The following DACH1 variants were observed in gnomAD, a reference collection of about 807,000 sequenced individuals.
The protein encoded by DACH1 is dachshund homolog 1.
Under a neutral mutation model 54.2 loss-of-function variants are expected in DACH1, and 12 were observed. That is an observed-to-expected ratio of 0.22 (90% CI 0.14 to 0.36). The LOEUF (loss-of-function observed/expected upper bound fraction) is 0.36. Ranked by LOEUF, DACH1 falls within the 10% of genes least tolerant of loss-of-function variation. The pLI is 1.00. For synonymous variants in DACH1, 386 were observed against 366.2 expected (o/e 1.05, Z -0.62); for missense variants, 805 against 929.8 (o/e 0.87, Z 1.75).
intron 3 of DACH1, among the ~76,000 whole-genome samples, chr13:71,626,320 T>G (rs1876642320): frequency 6.6e-6 from 1 of 152,012 alleles, no homozygotes; most frequent in Non-Finnish European, 1.5e-5. Flanking sequence ...TTATTTAGAT[T>G]AAACTGATTG....
At chr13:71,584,600 T>G (rs1873094750) in intron 3 of DACH1, among the ~76,000 whole-genome samples, 2 of 152,264 alleles carry the variant, frequency 1.3e-5, no homozygotes, top group Admixed American at 1.3e-4. Context: ...TTGAACTGTG[T>G]CAAATCTCTA....
chr13:71,714,882 T>G (rs1270939387), intron 1 of DACH1, among the ~76,000 whole-genome samples: 3 of 152,070 alleles, frequency 2.0e-5, no homozygotes, highest in African/African-American at 7.2e-5. Context: ...GGTCTACCCT[T>G]TCAACTCTTG....
intron 1 of DACH1, among the ~76,000 whole-genome samples, chr13:71,686,542 T>C (rs543064184): frequency 1.3e-5 from 2 of 152,194 alleles, no homozygotes; most frequent in Non-Finnish European, 1.5e-5. Context: ...AAATTGAACT[T>C]AACAAAAGTG....
intron 2 of DACH1, among the ~76,000 whole-genome samples, chr13:71,668,485 A>T (rs944997146): frequency 2.0e-5 from 3 of 152,170 alleles, no homozygotes; most frequent in Non-Finnish European, 2.9e-5. Context: ...GTCATGTAGG[A>T]TGTATTCCAG....
chr13:71,822,874 C>T lies in DACH1; in HGVS notation c.848+43048G>A, dbSNP rs963138912. On this transcript the variant is annotated intron_variant, in intron 1 of 10. Coordinates refer to ENST00000613252, the MANE Select transcript of DACH1 (RefSeq NM_080759.6). ...TATTATTAATAATTTAACAGTTCTC[C>T]ACAATGAAAAAAATCATAATCTGAA... is the stretch of plus-strand genomic sequence containing the variant. Among the ~76,000 whole-genome samples the T allele has an allele frequency of 2.6e-4, 39 of 151,690 alleles. 1 individual carries two copies. The highest frequency in any genetic ancestry group is 2.9e-5 in the Non-Finnish European group (2 of 67,928).
chr13:71,633,806 T>C (rs1877277860), intron 2 of DACH1, among the ~76,000 whole-genome samples: 1 of 152,096 alleles, frequency 6.6e-6, no homozygotes, highest in Admixed American at 6.6e-5. Context: ...CCAATTCAAC[T>C]AATTTTCTCC....
At chr13:71,806,481 A>C (rs1376270383) in intron 1 of DACH1, among the ~76,000 whole-genome samples, 4 of 152,176 alleles carry the variant, frequency 2.6e-5, no homozygotes, top group African/African-American at 9.6e-5. Flanking sequence ...ACTAGAAAAA[A>C]TTGTATTCTA....
At chr13:71,817,094 C>T (rs1418915047) in intron 1 of DACH1, among the ~76,000 whole-genome samples, 2 of 151,576 alleles carry the variant, frequency 1.3e-5, no homozygotes, top group East Asian at 1.9e-4. Flanking sequence ...TGGAAGCATA[C>T]GTCTACAAAA....
chr13:71,642,612 C>T (rs1877990509), intron 2 of DACH1, among the ~76,000 whole-genome samples: 1 of 152,130 alleles, frequency 6.6e-6, no homozygotes, highest in African/African-American at 2.4e-5. Context: ...TGAGTTATGA[C>T]AGTTCAAATT....
At chr13:71,641,858 A>T (rs890525991) in intron 2 of DACH1, among the ~76,000 whole-genome samples, 31 of 152,136 alleles carry the variant, frequency 2.0e-4, no homozygotes, top group African/African-American at 7.5e-4. Flanking sequence ...TTTAGGTTTG[A>T]ATTTATTTCT....
intron 1 of DACH1, among the ~76,000 whole-genome samples, chr13:71,794,521 C>A (rs896346480): frequency 4.6e-5 from 7 of 152,166 alleles, no homozygotes; most frequent in African/African-American, 1.4e-4. Flanking sequence ...TCACTGCAAC[C>A]TCCACCTCCC....
At chr13:71,658,240 T>C (rs1879265366) in intron 2 of DACH1, among the ~76,000 whole-genome samples, 2 of 152,168 alleles carry the variant, frequency 1.3e-5, no homozygotes, top group Admixed American at 6.6e-5. Flanking sequence ...ACATTATGCA[T>C]TATATATTTC....
intron 2 of DACH1, among the ~76,000 whole-genome samples, chr13:71,634,136 C>T (rs1209160339): frequency 2.0e-5 from 3 of 151,926 alleles, no homozygotes; most frequent in Non-Finnish European, 4.4e-5. Context: ...CCATGCCTAG[C>T]TCATTTTTGT....
intron 2 of DACH1, among the ~76,000 whole-genome samples, chr13:71,659,520 T>C (rs904013868): frequency 5.3e-5 from 8 of 152,242 alleles, no homozygotes; most frequent in Non-Finnish European, 1.0e-4. Flanking sequence ...CCATAAAATA[T>C]AATTAAGAAT....
intron 1 of DACH1, among the ~76,000 whole-genome samples, chr13:71,703,413 G>A (rs942693112): frequency 1.3e-5 from 2 of 152,110 alleles, no homozygotes. Flanking sequence ...CTATGAGAGC[G>A]CATGGGTCAG....
chr13:71,803,030 T>A (rs1314715217), intron 1 of DACH1, among the ~76,000 whole-genome samples: 1 of 152,202 alleles, frequency 6.6e-6, no homozygotes, highest in Admixed American at 6.5e-5. Flanking sequence ...ATGTTTGTCA[T>A]AATAACTTGT....
chr13:71,448,770 G>A (rs939353376), intron 10 of DACH1, among the ~76,000 whole-genome samples: 2 of 150,402 alleles, frequency 1.3e-5, no homozygotes, highest in Non-Finnish European at 3.0e-5. Flanking sequence ...ATTCAAAGCT[G>A]TGTTTAAATA....
chr13:71,784,040 A>C (rs1886493721), intron 1 of DACH1, among the ~76,000 whole-genome samples: 1 of 151,928 alleles, frequency 6.6e-6, no homozygotes, highest in Admixed American at 6.6e-5. Flanking sequence ...TATTGAGGAC[A>C]ACTGAGAGGT....
chr13:71,791,939 C>T (rs1282139588), intron 1 of DACH1, among the ~76,000 whole-genome samples: 2 of 152,148 alleles, frequency 1.3e-5, no homozygotes, highest in Admixed American at 1.3e-4. Context: ...TCCACCAAAG[C>T]CACCTCAGCA....
Sources: gnomAD v4.1 joint callset for allele counts (sites outside exome capture counted in the v4.1 genomes callset) on GRCh38, gnomAD v4.1.1 for gene constraint, MANE v1.5 for transcripts, NCBI Gene and HGNC (gene_info 2026-07-23, HGNC 2026-07-21) for gene names.